The following TAOK3 variants were observed in gnomAD, a reference collection of about 807,000 sequenced individuals.
TAOK3 encodes TAO kinase 3, also known as serine/threonine-protein kinase TAO3.
Under a neutral mutation model 120.4 loss-of-function variants are expected in TAOK3, and 40 were observed. The observed-to-expected ratio is 0.33, with a 90% CI of 0.26 to 0.43. The LOEUF (loss-of-function observed/expected upper bound fraction) is 0.43, where lower values mean the gene tolerates loss of function less well. Among genes scored for constraint, TAOK3 ranks in the 20% least tolerant of loss-of-function variants. TAOK3 has a pLI of 1.00. For missense variants in TAOK3, 821 were observed against 1,112.1 expected, an observed-to-expected ratio of 0.74 and a Z score of 3.72; for synonymous variants, 355 against 387.5, an observed-to-expected ratio of 0.92 and a Z score of 0.99.
chr12:118,248,004 AATTC>A (rs1428280954), intron 3 of TAOK3, among the ~76,000 whole-genome samples: 1 of 152,200 alleles, frequency 6.6e-6, no homozygotes, highest in African/African-American at 2.4e-5. Context: ...AAAAGATTGG[AATTC>A]ATTCACTGAT....
At chr12:118,297,869 C>T (rs1402959393) in intron 1 of TAOK3, among the ~76,000 whole-genome samples, 3 of 152,124 alleles carry the variant, frequency 2.0e-5, no homozygotes, top group Non-Finnish European at 2.9e-5. Context: ...GAGGCTGAAG[C>T]GATCCTTCCG....
chr12:118,225,338 T>G (rs1054394874), intron 9 of TAOK3, among the ~76,000 whole-genome samples: 1 of 142,288 alleles, frequency 7.0e-6, no homozygotes, highest in Non-Finnish European at 1.5e-5. Context: ...ATACAGAAAA[T>G]AGCAAAATCA....
At chr12:118,240,159 A>G (rs1486404850) in intron 5 of TAOK3, among the ~76,000 whole-genome samples, 1 of 150,360 alleles carries the variant, frequency 6.7e-6, no homozygotes, top group Non-Finnish European at 1.5e-5. Context: ...AGCAAAAGTG[A>G]GAAACCTCTT....
intron 1 of TAOK3, among the ~76,000 whole-genome samples, chr12:118,301,831 G>C (rs896851313): frequency 8.3e-6 from 1 of 120,990 alleles, no homozygotes; most frequent in Non-Finnish European, 1.6e-5. Flanking sequence ...AACAGAGTGA[G>C]ACTCCATCTC....
At chr12:118,243,872 T>G (rs770742013) in intron 4 of TAOK3, among the ~76,000 whole-genome samples, 17 of 151,970 alleles carry the variant, frequency 1.1e-4, no homozygotes, top group Non-Finnish European at 2.2e-4. Context: ...AGAGACGAGG[T>G]TTCTCCGTGT....
At chr12:118,314,088 C>T (rs1456078843) in intron 1 of TAOK3, among the ~76,000 whole-genome samples, 3 of 152,178 alleles carry the variant, frequency 2.0e-5, no homozygotes, top group African/African-American at 7.2e-5. Flanking sequence ...TCACAGTACA[C>T]ACTACCTATG....
At chr12:118,176,294 G>C (rs2036319588) in intron 16 of TAOK3, among the ~76,000 whole-genome samples, 1 of 152,066 alleles carries the variant, frequency 6.6e-6, no homozygotes, top group African/African-American at 2.4e-5. Context: ...TAAATTTGAG[G>C]AACTGAAAGG....
chr12:118,235,848 C>A, intron 7 of TAOK3, 177 bp from the exon 8 acceptor site: 1 of 522,478 alleles, frequency 1.9e-6, no homozygotes, highest in Non-Finnish European at 3.4e-6. Flanking sequence ...TGTAAGGGGG[C>A]CCAGATTCCT....
At chr12:118,365,534 G>A (rs1450994456) in intron 1 of TAOK3, among the ~76,000 whole-genome samples, 3 of 152,180 alleles carry the variant, frequency 2.0e-5, no homozygotes, top group Admixed American at 6.5e-5. Flanking sequence ...GGGATTACAG[G>A]TGTGCCCATT....
intron 9 of TAOK3, among the ~76,000 whole-genome samples, chr12:118,216,027 T>A (rs1690110083): frequency 6.6e-6 from 1 of 151,896 alleles, no homozygotes; most frequent in Non-Finnish European, 1.5e-5. Context: ...TGGTGAAAAT[T>A]GTCTCTACTA....
chr12:118,156,294 G>C (rs575254027), intron 19 of TAOK3, among the ~76,000 whole-genome samples: 1 of 152,186 alleles, frequency 6.6e-6, no homozygotes, highest in South Asian at 2.1e-4. Flanking sequence ...AGCAGCATTT[G>C]GTATTGCTGA....
At chr12:118,333,147 T>C (rs965858870) in intron 1 of TAOK3, among the ~76,000 whole-genome samples, 3 of 152,208 alleles carry the variant, frequency 2.0e-5, no homozygotes, top group Non-Finnish European at 4.4e-5. Context: ...CTAACTGATA[T>C]TTAATAAACA....
intron 9 of TAOK3, among the ~76,000 whole-genome samples, chr12:118,220,906 G>A (rs2039197909): frequency 6.6e-6 from 1 of 152,194 alleles, no homozygotes; most frequent in South Asian, 2.1e-4. Flanking sequence ...CTATGTTCAA[G>A]TCTTTGCTAG....
intron 9 of TAOK3, among the ~76,000 whole-genome samples, chr12:118,216,180 G>T (rs1290576428): frequency 1.3e-5 from 2 of 152,152 alleles, no homozygotes; most frequent in Non-Finnish European, 2.9e-5. Flanking sequence ...CTGGGCAACA[G>T]AGTGAGACCC....
intron 10 of TAOK3, 97 bp downstream of exon 10, chr12:118,213,920 A>G: frequency 9.2e-7 from 1 of 1,091,248 alleles, no homozygotes; most frequent in Non-Finnish European, 1.4e-6. Flanking sequence ...AAGGAAAGAA[A>G]TGCTTTCTAG....
intron 3 of TAOK3, among the ~76,000 whole-genome samples, chr12:118,255,123 A>G (rs543094001): frequency 6.6e-6 from 1 of 152,254 alleles, no homozygotes; most frequent in Non-Finnish European, 1.5e-5. Flanking sequence ...AATACCACTG[A>G]ATTGAATAAA....
chr12:118,276,011 TAGG>T (rs2140361435), intron 1 of TAOK3, among the ~76,000 whole-genome samples: 1 of 152,248 alleles, frequency 6.6e-6, no homozygotes, highest in South Asian at 2.1e-4. Context: ...GGGGATGTAG[TAGG>T]AGAAGAGATA....
intron 1 of TAOK3, among the ~76,000 whole-genome samples, chr12:118,347,898 A>C (rs1471314091): frequency 1.3e-5 from 2 of 152,182 alleles, no homozygotes; most frequent in African/African-American, 4.8e-5. Flanking sequence ...AAGTCATTCT[A>C]CAAACTATTG....
At chr12:118,168,034 C>T (rs1014684500) in intron 17 of TAOK3, among the ~76,000 whole-genome samples, 1 of 152,048 alleles carries the variant, frequency 6.6e-6, no homozygotes. Context: ...AATAATCCTA[C>T]TGATACAAAA....
Sources: allele counts gnomAD v4.1 joint callset (sites outside exome capture counted in the v4.1 genomes callset), GRCh38; gene constraint gnomAD v4.1.1; transcripts MANE v1.5; gene names NCBI Gene and HGNC (gene_info 2026-07-23, HGNC 2026-07-21).